PALLD: variants seen among roughly 807,000 people sequenced by gnomAD.
PALLD encodes the protein palladin, cytoskeletal associated protein.
A neutral mutation model predicts 123.5 loss-of-function variants in PALLD; 61 were observed. The ratio of observed to expected loss-of-function variants is 0.49; its 90% CI spans 0.40 to 0.61. The LOEUF is 0.61. PALLD is among the 20% of genes least tolerant of loss of function. PALLD has a pLI of 0.00. For synonymous variants in PALLD, 465 were observed against 496.4 expected (o/e 0.94, Z 0.84); for missense variants, 1,273 against 1,377.0 (o/e 0.92, Z 1.20).
intron 8 of PALLD, among the ~76,000 whole-genome samples, chr4:168,698,583 G>A (rs1439904867): frequency 1.3e-5 from 2 of 151,828 alleles, no homozygotes; most frequent in Non-Finnish European, 2.9e-5. Flanking sequence ...CTATATTCCT[G>A]CTGGATGCCC....
chr4:168,733,815 A>G (rs937061384), intron 10 of PALLD, among the ~76,000 whole-genome samples: 6 of 152,242 alleles, frequency 3.9e-5, no homozygotes, highest in Non-Finnish European at 5.9e-5. Flanking sequence ...GCTCACTGCA[A>G]GCTCCGCCTC....
rs767544052 is a variant in PALLD at position 168,925,215 on chromosome 4, CT to C, written c.3359-17del. 6.9e-6 allele frequency: 11 copies of C among 1,601,026 alleles called. No individual in the cohort carries two copies. Among genetic ancestry groups the C allele is most frequent in the Non-Finnish European group, 9.4e-6 (11 of 1,168,158 alleles). ...GTCAAAAAAATTCATATTGCTCTCT[CT>C]CTCTTTCTATTTGTAGTTTCTCGAC... is the stretch of plus-strand genomic sequence containing the variant. On this transcript the variant is annotated splice_polypyrimidine_tract_variant and intron_variant, in intron 20 of 21. Coordinates refer to ENST00000505667, the MANE Select transcript of PALLD (RefSeq NM_001166108.2).
chr4:168,605,095 G>T (rs796997375), intron 2 of PALLD, among the ~76,000 whole-genome samples: 25 of 152,202 alleles, frequency 1.6e-4, no homozygotes, highest in African/African-American at 5.3e-4. Context: ...GATCAAGGGG[G>T]TAATTAACTG....
At chr4:168,561,232 G>A (rs1187767455) in intron 2 of PALLD, among the ~76,000 whole-genome samples, 1 of 151,806 alleles carries the variant, frequency 6.6e-6, no homozygotes, top group Non-Finnish European at 1.5e-5. Context: ...CCTAATAAGG[G>A]CTAATAAGCA....
chr4:168,582,221 T>A (rs956672284), intron 2 of PALLD, among the ~76,000 whole-genome samples: 1 of 152,186 alleles, frequency 6.6e-6, no homozygotes, highest in African/African-American at 2.4e-5. Flanking sequence ...AGGTATTTTA[T>A]TGATTTTATG....
intron 10 of PALLD, among the ~76,000 whole-genome samples, chr4:168,791,971 A>G (rs1737589275): frequency 6.6e-6 from 1 of 152,206 alleles, no homozygotes; most frequent in Non-Finnish European, 1.5e-5. Flanking sequence ...AGGAGGAACT[A>G]TTCAAATGAA....
chr4:168,576,342 G>A (rs550387091), intron 2 of PALLD, among the ~76,000 whole-genome samples: 19 of 151,970 alleles, frequency 1.3e-4, no homozygotes, highest in African/African-American at 3.4e-4. Flanking sequence ...CCAGTAACTC[G>A]TCATTTAACA....
intron 2 of PALLD, among the ~76,000 whole-genome samples, chr4:168,513,632 G>T (rs1285368078): frequency 1.3e-5 from 2 of 152,148 alleles, no homozygotes; most frequent in Non-Finnish European, 2.9e-5. Context: ...CTTGCAGCTA[G>T]TAACTGCTGC....
intron 1 of PALLD, among the ~76,000 whole-genome samples, chr4:168,503,378 A>G (rs545548166): frequency 6.6e-6 from 1 of 152,214 alleles, no homozygotes; most frequent in Non-Finnish European, 1.5e-5. Flanking sequence ...GGCTGGATGC[A>G]GTGGCTCATG....
chr4:168,589,766 A>C (rs940082939), intron 2 of PALLD, among the ~76,000 whole-genome samples: 1 of 152,202 alleles, frequency 6.6e-6, no homozygotes, highest in African/African-American at 2.4e-5. Context: ...AATCAAGCCT[A>C]ATGGACTTTT....
At chr4:168,749,463 T>A (rs1005265238) in intron 10 of PALLD, among the ~76,000 whole-genome samples, 3 of 151,432 alleles carry the variant, frequency 2.0e-5, no homozygotes, top group Admixed American at 1.3e-4. Flanking sequence ...TCTCAACACT[T>A]TGGGAGGCCG....
At chr4:168,904,519 G>A (rs1422893182) in intron 15 of PALLD, among the ~76,000 whole-genome samples, 1 of 152,120 alleles carries the variant, frequency 6.6e-6, no homozygotes, top group African/African-American at 2.4e-5. Context: ...GTTCGAGCCT[G>A]CAAATTCTTT....
intron 11 of PALLD, among the ~76,000 whole-genome samples, chr4:168,891,780 A>G (rs1317935926): frequency 6.6e-6 from 1 of 152,184 alleles, no homozygotes; most frequent in Non-Finnish European, 1.5e-5. Context: ...ATCTACCCAG[A>G]AACAGCGAAC....
intron 15 of PALLD, 107 bp downstream of exon 15, chr4:168,904,013 T>G: frequency 8.8e-7 from 1 of 1,140,718 alleles, no homozygotes; most frequent in South Asian, 1.3e-5. Context: ...TTCTTTGATT[T>G]ATGAAACTAT....
chr4:168,709,086 A>C lies in PALLD; in HGVS notation c.1560A>C (p.Thr520=). ...TCCCTGAAGATGCAGGGATCTTTAC[A>C]TGTTCAGCAAGAAATGATTATGGAT... ...ETFPEDAGIF[T]CSARNDYGSA... Residue 520 remains threonine, a synonymous_variant, in exon 9 of 22, where the codon ACA becomes ACC. Coordinates refer to ENST00000505667, the MANE Select transcript of PALLD (RefSeq NM_001166108.2). The C allele has an allele frequency of 6.2e-7, 1 of 1,613,662 alleles. No individual in the cohort carries two copies. The highest frequency in any genetic ancestry group is 8.5e-7 in the Non-Finnish European group (1 of 1,179,612).
intron 15 of PALLD, among the ~76,000 whole-genome samples, chr4:168,904,813 A>T (rs1196145526): frequency 3.9e-5 from 6 of 152,162 alleles, no homozygotes; most frequent in African/African-American, 1.2e-4. Context: ...AATAATTTTA[A>T]TGACACTACA....
intron 2 of PALLD, among the ~76,000 whole-genome samples, chr4:168,640,731 A>T (rs1344579884): frequency 1.3e-5 from 2 of 152,242 alleles, no homozygotes; most frequent in Non-Finnish European, 1.5e-5. Flanking sequence ...ACTTATAATG[A>T]TATACATTAC....
intron 10 of PALLD, among the ~76,000 whole-genome samples, chr4:168,769,759 CA>C (rs1423668134): frequency 2.0e-5 from 3 of 152,158 alleles, no homozygotes; most frequent in African/African-American, 7.2e-5. Flanking sequence ...GAGGAACACT[CA>C]TAATGTTGAA....
intron 10 of PALLD, among the ~76,000 whole-genome samples, chr4:168,755,545 A>T (rs1382754153): frequency 6.6e-6 from 1 of 152,096 alleles, no homozygotes; most frequent in Non-Finnish European, 1.5e-5. Flanking sequence ...ATAAACAGGA[A>T]ACTTGCAAGC....
Sources: allele counts gnomAD v4.1 joint callset (sites outside exome capture counted in the v4.1 genomes callset), GRCh38; gene constraint gnomAD v4.1.1; transcripts MANE v1.5; gene names NCBI Gene and HGNC (gene_info 2026-07-23, HGNC 2026-07-21).